The following DPP9 variants were observed in gnomAD, a reference collection of about 807,000 sequenced individuals.
DPP9 encodes the protein dipeptidyl peptidase 9, also known as dipeptidyl peptidase IV-related protein-2.
A neutral mutation model predicts 110.7 loss-of-function variants in DPP9; 50 were observed. The ratio of observed to expected loss-of-function variants is 0.45; its 90% confidence interval spans 0.36 to 0.57. DPP9 has a LOEUF of 0.57. Ranked by LOEUF, DPP9 falls within the 20% of genes least tolerant of loss-of-function variation. The pLI is 0.00. For missense variants in DPP9, 1,022 were observed against 1,217.9 expected (o/e 0.84, Z 2.39); for synonymous variants, 561 against 514.4 (o/e 1.09, Z -1.23).
At chr19:4,692,517 G>A (rs2091419204) in intron 13 of DPP9, among the ~76,000 whole-genome samples, 1 of 152,076 alleles carries the variant, frequency 6.6e-6, no homozygotes, top group Non-Finnish European at 1.5e-5. Context: ...TGTCACTTGG[G>A]GTCACCTCCT....
intron 3 of DPP9, among the ~76,000 whole-genome samples, chr19:4,716,364 A>C (rs1302941772): frequency 6.6e-6 from 1 of 152,160 alleles, no homozygotes; most frequent in Non-Finnish European, 1.5e-5. Flanking sequence ...TTGGCCGGGC[A>C]CAGTGGCTCA....
At position 4,698,005 on chromosome 19, in the gene DPP9, C is replaced by T. The variant is rs1180866876; in HGVS notation, c.1075-354G>A. 2.0e-5 allele frequency among the ~76,000 whole-genome samples: 3 copies of T among 151,832 alleles called. No individual in the cohort carries two copies. The highest frequency in any genetic ancestry group is 4.4e-5 in the Non-Finnish European group (3 of 67,952). On this transcript the variant is annotated intron_variant, in intron 10 of 21. Coordinates refer to ENST00000262960, the MANE Select transcript of DPP9 (RefSeq NM_139159.5). This position sits in a 1 kb window ranked among gnomAD's most constrained non-coding sequence, Gnocchi z 4.2. Reference sequence around the variant, plus strand: ...CACCTGCTAGCAGCTTGGTGTTGGACATTATCAATTTCGGCCGTGTAAGCC... The same window carrying T: ...CACCTGCTAGCAGCTTGGTGTTGGATATTATCAATTTCGGCCGTGTAAGCC...
intron 16 of DPP9, chr19:4,688,208 A>C (rs1303745494): frequency 6.6e-6 from 1 of 152,376 alleles, no homozygotes; most frequent in African/African-American, 2.4e-5. Context: ...TTCTGGGCAC[A>C]AATGATCCCC....
rs149434922 is a variant in DPP9, at chr19:4,704,068, C to T, written c.601-14G>A. ...CATAGGGGACACCTGAGGACAGAGA[C>T]GCCCAGCTCAGGGGGAGGGGCCCTC... On this transcript the variant is annotated splice_polypyrimidine_tract_variant and intron_variant, in intron 6 of 21. Coordinates refer to ENST00000262960, the MANE Select transcript of DPP9 (RefSeq NM_139159.5). The surrounding 1 kb of genome is among the most constrained non-coding windows in gnomAD (Gnocchi z 6.0). 3.3e-5 allele frequency: 54 copies of T among 1,613,786 alleles called. 1 individual carries two copies. The highest frequency in any genetic ancestry group is 2.9e-4 in the South Asian group (26 of 91,082).
At position 4,683,523 on chromosome 19, in the gene DPP9, C is replaced by T; in HGVS notation, c.2285G>A (p.Gly762Asp). 1.2e-6 allele frequency: 2 copies of T among 1,613,282 alleles called. No homozygotes were observed. The highest frequency in any genetic ancestry group is 1.7e-6 in the Non-Finnish European group (2 of 1,179,850). The change falls in exon 19 of 22, where the codon GGC becomes GAC. Residue 762 changes from glycine (G) to aspartate (D), a missense_variant. Gly to Asp is a moderately conservative substitution (Grantham distance 94). Coordinates refer to ENST00000262960, the MANE Select transcript of DPP9 (RefSeq NM_139159.5). ...GATTAGCCCCATGAGCGAGAGGAAG[C>T]CCCCGTAGGACCAGCCATGGATGGC... ...RVAIHGWSYG[G>D]FLSLMGLIHK...
rs960076466 is a variant in DPP9 at position 4,698,699 on chromosome 19, A to C, written c.1075-1048T>G. Reference sequence around the variant, plus strand: ...TGGGAAGTTGAGGCTGCAGTGGGTCATGATTGCACCAGTGTACTCCAGCCT... The same window carrying C: ...TGGGAAGTTGAGGCTGCAGTGGGTCCTGATTGCACCAGTGTACTCCAGCCT... On this transcript the variant is annotated intron_variant, in intron 10 of 21. Transcript: ENST00000262960. The surrounding 1 kb of genome is among the most constrained non-coding windows in gnomAD (Gnocchi z 4.2). Among the ~76,000 whole-genome samples the C allele has an allele frequency of 1.3e-5, 2 of 152,082 alleles. No homozygotes were observed. Among genetic ancestry groups the C allele is most frequent in the African/African-American group, 2.4e-5 (1 of 41,402 alleles).
intron 11 of DPP9, among the ~76,000 whole-genome samples, chr19:4,696,045 T>A (rs2091774294): frequency 6.6e-6 from 1 of 151,936 alleles, no homozygotes; most frequent in Admixed American, 6.6e-5. Flanking sequence ...GGATTATAGG[T>A]GCCTGCCACC....
rs2091982855 is a variant in DPP9, at chr19:4,698,512, G to A, written c.1075-861C>T. Among the ~76,000 whole-genome samples, 1 of 152,216 alleles carries A rather than the reference G, an allele frequency of 6.6e-6. No individual in the cohort carries two copies. The highest frequency in any genetic ancestry group is 2.4e-5 in the African/African-American group (1 of 41,454). ...CACACCTGTAATCCCAGCACCTTGAGAGGCTGAGGCAGGTGGATCACTTGA... is the reference window on the plus strand; with the variant it reads ...CACACCTGTAATCCCAGCACCTTGAAAGGCTGAGGCAGGTGGATCACTTGA... On this transcript the variant is annotated intron_variant, in intron 10 of 21. Transcript: ENST00000262960. This position sits in a 1 kb window ranked among gnomAD's most constrained non-coding sequence, Gnocchi z 4.2.
At chr19:4,720,272 G>C (rs764206121) in intron 2 of DPP9, among the ~76,000 whole-genome samples, 1 of 152,152 alleles carries the variant, frequency 6.6e-6, no homozygotes, top group African/African-American at 2.4e-5. Flanking sequence ...CACTGTGGCC[G>C]TTGCCTGATG....
rs2092490316 is a variant in DPP9, at chr19:4,704,780, C to G, written c.427-476G>C. ...CTTTGGGAGGCCGAGGTGGGCAGATCACGAGGTCAGAAATTCGAGACCAGC... is the reference window on the plus strand; with the variant it reads ...CTTTGGGAGGCCGAGGTGGGCAGATGACGAGGTCAGAAATTCGAGACCAGC... On this transcript the variant is annotated intron_variant, in intron 5 of 21. Transcript: ENST00000262960. The surrounding 1 kb of genome is among the most constrained non-coding windows in gnomAD (Gnocchi z 6.0). Among the ~76,000 whole-genome samples the G allele has an allele frequency of 1.3e-5, 2 of 152,176 alleles. No homozygotes were observed. The highest frequency in any genetic ancestry group is 4.1e-4 in the South Asian group (2 of 4,832).
In DPP9 at chr19:4,722,541, G is replaced by A. The variant is rs1316523420; in HGVS notation, c.-78C>T. On this transcript the variant is annotated 5_prime_UTR_variant, in exon 2 of 22. Coordinates refer to ENST00000262960, the MANE Select transcript of DPP9 (RefSeq NM_139159.5). ...GAGCCTCCATTCCAGCTGCAGGCGT[G>A]GGACACAGACCTTTATAGGATAAAC... The A allele has an allele frequency of 2.8e-6, 2 of 702,948 alleles. No individual in the cohort carries two copies. The highest frequency in any genetic ancestry group is 5.2e-6 in the Non-Finnish European group (2 of 385,010). The allele number at this position is 702,948 out of a possible 1,614,324, so 43.5% of individuals were successfully genotyped here.
chr19:4,720,050 C>G, intron 2 of DPP9, 109 bp from the exon 3 acceptor site: 1 of 928,538 alleles, frequency 1.1e-6, no homozygotes, highest in Non-Finnish European at 1.7e-6. Flanking sequence ...GCCCCCCAAG[C>G]CTCCGGGGAG....
intron 4 of DPP9, among the ~76,000 whole-genome samples, 157 bp from the exon 5 acceptor site, chr19:4,706,127 G>T (rs1372709906): frequency 6.6e-6 from 1 of 152,062 alleles, no homozygotes; most frequent in African/African-American, 2.4e-5. Flanking sequence ...TGGATCCTGG[G>T]TTTGCTTAAG....
rs1302446223 is a variant in DPP9, at chr19:4,704,793, A to G, written c.427-489T>C. ...AGGTGGGCAGATCACGAGGTCAGAAATTCGAGACCAGCCTGGCCAATATGG... is the reference window on the plus strand; with the variant it reads ...AGGTGGGCAGATCACGAGGTCAGAAGTTCGAGACCAGCCTGGCCAATATGG... On this transcript the variant is annotated intron_variant, in intron 5 of 21. Coordinates refer to ENST00000262960, the MANE Select transcript of DPP9 (RefSeq NM_139159.5). This position sits in a 1 kb window ranked among gnomAD's most constrained non-coding sequence, Gnocchi z 6.0. 1.3e-5 allele frequency among the ~76,000 whole-genome samples: 2 copies of G among 152,106 alleles called. No individual in the cohort carries two copies. The highest frequency in any genetic ancestry group is 4.1e-4 in the South Asian group (2 of 4,836).
intron 7 of DPP9, among the ~76,000 whole-genome samples, chr19:4,703,490 G>T (rs1433383207): frequency 6.8e-6 from 1 of 147,748 alleles, no homozygotes; most frequent in East Asian, 2.0e-4. Flanking sequence ...AAAAAAATTA[G>T]CCAGGCGTGG....
At chr19:4,716,481 C>A (rs1599952084) in intron 3 of DPP9, among the ~76,000 whole-genome samples, 2 of 152,016 alleles carry the variant, frequency 1.3e-5, no homozygotes, top group South Asian at 4.2e-4. Context: ...ACCAAAAATA[C>A]AAAAAATTAG....
At chr19:4,713,415 C>T (rs769263861) in intron 4 of DPP9, among the ~76,000 whole-genome samples, 1 of 152,236 alleles carries the variant, frequency 6.6e-6, no homozygotes, top group African/African-American at 2.4e-5. Context: ...CCTGAAGGCA[C>T]TCGTGGTGCA....
At chr19:4,714,460 A>C in intron 3 of DPP9, 123 bp from the exon 4 acceptor site, 5 of 1,252,990 alleles carry the variant, frequency 4.0e-6, no homozygotes, top group Non-Finnish European at 4.3e-6. Context: ...CGCTTTCCCC[A>C]CTCCCTAAAC....
Position 4,675,339 on chromosome 19 carries a change from C to CT in DPP9, c.*1224dup, listed in dbSNP as rs369204147. ...CATAATATGTAGAGGTGGTTTGTTT[C>CT]TTTTTTTTTTTTTTCTTTTCTTTTT... On this transcript the variant is annotated 3_prime_UTR_variant, in exon 22 of 22. Coordinates refer to ENST00000262960, the MANE Select transcript of DPP9 (RefSeq NM_139159.5). 19,627 of 140,074 alleles carry CT rather than the reference C, an allele frequency of 0.14. 1,605 individuals carry two copies. Among genetic ancestry groups the CT allele is most frequent in the Middle Eastern group, 0.23 (61 of 268 alleles). The allele number at this position is 140,074 out of a possible 1,614,324, so 8.7% of individuals were successfully genotyped here.
Sources: allele counts gnomAD v4.1 joint callset (sites outside exome capture counted in the v4.1 genomes callset), GRCh38; gene constraint gnomAD v4.1.1; non-coding constraint Gnocchi (gnomAD v3.1); transcripts MANE v1.5; gene names NCBI Gene and HGNC (gene_info 2026-07-23, HGNC 2026-07-21).